RMST: variants seen among roughly 807,000 people sequenced by gnomAD.
RMST encodes rhabdomyosarcoma 2 associated transcript.
At position 97,478,334 on chromosome 12, in the gene RMST, G is replaced by A. The variant is rs117655384; in HGVS notation, n.644+12607G>A. On this transcript the variant is annotated intron_variant and non_coding_transcript_variant, in intron 5 of 13. Coordinates refer to ENST00000640149, the Ensembl canonical transcript of RMST. ...ACATTTTGATTTAATTTCTTACATC[G>A]TAGAAAGTATAACCAGATTATCTGT... Among the ~76,000 whole-genome samples, 1,189 of 152,180 alleles carry A rather than the reference G, an allele frequency of 7.8e-3. 6 individuals are homozygous for A. Among genetic ancestry groups the A allele is most frequent in the South Asian group, 0.018 (89 of 4,824 alleles).
chr12:97,549,751 A>T (rs1228235538), intron 11 of RMST, among the ~76,000 whole-genome samples: 4 of 152,168 alleles, frequency 2.6e-5, no homozygotes, highest in African/African-American at 7.2e-5. Flanking sequence ...TGTCTTTACT[A>T]TCTGTCAGCA....
At position 97,490,594 on chromosome 12, in the gene RMST, A is replaced by G. The variant is rs528475710; in HGVS notation, n.645-1867A>G. 1.3e-4 allele frequency among the ~76,000 whole-genome samples: 20 copies of G among 152,128 alleles called. No homozygotes were observed. The East Asian group carries it at 3.9e-3, about 29-fold the overall frequency. On this transcript the variant is annotated intron_variant and non_coding_transcript_variant, in intron 5 of 13. Coordinates refer to ENST00000640149, the Ensembl canonical transcript of RMST. ...TTTCATTATCATCACCACCACCTCC[A>G]CCGCCGTCATCATTATCTTCATGTC... is the stretch of plus-strand genomic sequence containing the variant.
At chr12:97,532,763 G>A (rs1881773113) in intron 11 of RMST, 1 of 149,590 alleles carries the variant, frequency 6.7e-6, no homozygotes, top group African/African-American at 2.5e-5. Flanking sequence ...AATGTAAAGA[G>A]TGAGAAGATT....
chr12:97,499,577 T>C (rs748289052), intron 10 of RMST, among the ~76,000 whole-genome samples: 3 of 152,174 alleles, frequency 2.0e-5, no homozygotes, highest in Non-Finnish European at 4.4e-5. Context: ...TCAAAGTGTT[T>C]TGTAAACTCT....
chr12:97,487,946 A>T (rs1443196118), intron 5 of RMST, among the ~76,000 whole-genome samples: 2 of 152,178 alleles, frequency 1.3e-5, no homozygotes, highest in Admixed American at 1.3e-4. Context: ...CTTCTCTAAC[A>T]CTTCAACCGT....
chr12:97,550,415 A>G (rs1334938391), intron 11 of RMST, among the ~76,000 whole-genome samples: 1 of 152,142 alleles, frequency 6.6e-6, no homozygotes. Context: ...AAATAAATGA[A>G]TAATAAAAAT....
At chr12:97,490,704 A>T (rs1001804453) in intron 5 of RMST, among the ~76,000 whole-genome samples, 1 of 152,188 alleles carries the variant, frequency 6.6e-6, no homozygotes, top group East Asian at 1.9e-4. Context: ...ACAAAATTCA[A>T]CTTATCTTGG....
chr12:97,525,851 C>G (rs117842449), intron 10 of RMST, among the ~76,000 whole-genome samples: 4,437 of 152,220 alleles, frequency 0.029, 129 homozygotes, highest in Non-Finnish European at 0.037. Context: ...GTATTTACAG[C>G]CAGTCAAAAT....
At chr12:97,533,621 G>C (rs1363204899) in intron 11 of RMST, 1 of 151,746 alleles carries the variant, frequency 6.6e-6, no homozygotes, top group Non-Finnish European at 1.5e-5. Context: ...TCAAAAAACT[G>C]TTTCCATTTT....
At chr12:97,513,476 T>C (rs1396915670) in intron 10 of RMST, among the ~76,000 whole-genome samples, 4 of 152,168 alleles carry the variant, frequency 2.6e-5, no homozygotes, top group African/African-American at 9.7e-5. Context: ...TACTATGTGC[T>C]CGATGTTGAA....
intron 5 of RMST, among the ~76,000 whole-genome samples, chr12:97,481,939 A>G (rs560601654): frequency 6.6e-6 from 1 of 152,286 alleles, no homozygotes; most frequent in East Asian, 1.9e-4. Context: ...CACGAGCATG[A>G]ATGTAGTGGC....
chr12:97,480,619 A>T (rs1875165739), intron 5 of RMST, among the ~76,000 whole-genome samples: 2 of 152,200 alleles, frequency 1.3e-5, no homozygotes, highest in African/African-American at 4.8e-5. Context: ...GATAAAGCAC[A>T]AAATATTCCC....
chr12:97,464,215 G>A (rs1872909079), intron 4 of RMST, among the ~76,000 whole-genome samples: 2 of 152,094 alleles, frequency 1.3e-5, no homozygotes, highest in African/African-American at 2.4e-5. Flanking sequence ...TGTTCTTAGT[G>A]CCCCACAAAA....
At chr12:97,560,470 AAG>A (rs1884041303) in intron 11 of RMST, 2 of 152,292 alleles carry the variant, frequency 1.3e-5, no homozygotes, top group South Asian at 2.1e-4. Flanking sequence ...TTCAATTTAA[AAG>A]AGAGAGCAAG....
chr12:97,498,913 C>T (rs1322122313), intron 10 of RMST, among the ~76,000 whole-genome samples: 5 of 152,158 alleles, frequency 3.3e-5, no homozygotes, highest in Admixed American at 6.5e-5. Context: ...TTTCAGGCAT[C>T]GGTAGCAGCT....
chr12:97,544,884 G>A (rs1006566444), intron 11 of RMST, among the ~76,000 whole-genome samples: 6 of 152,026 alleles, frequency 3.9e-5, no homozygotes, highest in African/African-American at 1.2e-4. Flanking sequence ...ATCAATTTCT[G>A]CCCCCACTAA....
In RMST at chr12:97,524,252, C is replaced by T. The variant is rs543962028; in HGVS notation, n.1341-6403C>T. On this transcript the variant is annotated intron_variant and non_coding_transcript_variant, in intron 10 of 13. Coordinates refer to ENST00000640149, the Ensembl canonical transcript of RMST. ...AGAGCTTAGCAGAAATGTAGAATGT[C>T]GGGCTCCATCTCGGACCTACTGAAT... Among the ~76,000 whole-genome samples, 10 of 151,960 alleles carry T rather than the reference C, an allele frequency of 6.6e-5. No homozygotes were observed. In the South Asian group the frequency reaches 1.5e-3, roughly 22 times the overall value.
At chr12:97,468,002 G>A (rs1000513196) in intron 5 of RMST, among the ~76,000 whole-genome samples, 11 of 151,956 alleles carry the variant, frequency 7.2e-5, no homozygotes, top group Non-Finnish European at 1.3e-4. Flanking sequence ...ACAAAACAGA[G>A]CATCATCTAG....
At chr12:97,563,068 C>G (rs1375980808) in intron 13 of RMST, among the ~76,000 whole-genome samples, 1 of 152,162 alleles carries the variant, frequency 6.6e-6, no homozygotes, top group Non-Finnish European at 1.5e-5. Flanking sequence ...TGGGTTTCAG[C>G]ATGGCCACTT....
Sources: gnomAD v4.1 joint callset for allele counts (sites outside exome capture counted in the v4.1 genomes callset) on GRCh38, gnomAD v4.1.1 for gene constraint, MANE v1.5 for transcripts, NCBI Gene and HGNC (gene_info 2026-07-23, HGNC 2026-07-21) for gene names.